KCNQ1: variants seen among roughly 807,000 people sequenced by gnomAD.
KCNQ1 encodes potassium voltage-gated channel subfamily KQT member 1.
A neutral mutation model predicts 72.4 loss-of-function variants in KCNQ1; 49 were observed. That is an observed-to-expected ratio of 0.68 (90% CI 0.54 to 0.86). The LOEUF (loss-of-function observed/expected upper bound fraction) is 0.86, where lower values mean the gene tolerates loss of function less well. Among genes scored for constraint, KCNQ1 ranks in the 40% least tolerant of loss-of-function variants. The pLI is 0.00. For synonymous variants in KCNQ1, 450 were observed against 412.6 expected (o/e 1.09, Z -1.10); for missense variants, 790 against 945.1 (o/e 0.84, Z 2.15).
rs949096114 is a variant in KCNQ1 at position 2,750,807 on chromosome 11, G to C, written c.1515-18037G>C. Among the ~76,000 whole-genome samples the C allele has an allele frequency of 2.0e-5, 3 of 152,138 alleles. No individual in the cohort carries two copies. The highest frequency in any genetic ancestry group is 4.4e-5 in the Non-Finnish European group (3 of 68,002). ...AACACTTTTCTTGTTTTCTTTCTCCGGCATGCTGGAAGCCGGCCAACTCGC... is the reference window on the plus strand; with the variant it reads ...AACACTTTTCTTGTTTTCTTTCTCCCGCATGCTGGAAGCCGGCCAACTCGC... On this transcript the variant is annotated intron_variant, in intron 11 of 15. Transcript: ENST00000155840. This position sits in a 1 kb window ranked among gnomAD's most constrained non-coding sequence, Gnocchi z 6.3.
At chr11:2,534,836 G>T (rs932398754) in intron 2 of KCNQ1, among the ~76,000 whole-genome samples, 1 of 152,366 alleles carries the variant, frequency 6.6e-6, no homozygotes, top group South Asian at 2.1e-4. Flanking sequence ...TCTTTATTAA[G>T]CACCTACTGT....
chr11:2,749,419 C>G (rs1399651920), intron 11 of KCNQ1, among the ~76,000 whole-genome samples: 1 of 152,100 alleles, frequency 6.6e-6, no homozygotes, highest in East Asian at 1.9e-4. Flanking sequence ...TGCCTGGTGC[C>G]AACTGTGTGA....
chr11:2,465,721 G>A (rs1846342538), intron 1 of KCNQ1, among the ~76,000 whole-genome samples: 1 of 152,218 alleles, frequency 6.6e-6, no homozygotes, highest in African/African-American at 2.4e-5. Flanking sequence ...CCTGGGAGAA[G>A]GTTTACGGAG....
At position 2,842,948 on chromosome 11, in the gene KCNQ1, G is replaced by T. The variant is rs372760045; in HGVS notation, c.1795-4819G>T. ...AGAGAAGCAAAGTGACTTGCCCAAG[G>T]TCACCCGGCCAGGAAGCGGCAGAGG... On this transcript the variant is annotated intron_variant, in intron 15 of 15. Coordinates refer to ENST00000155840, the MANE Select transcript of KCNQ1 (RefSeq NM_000218.3). Among the ~76,000 whole-genome samples, 11 of 152,320 alleles carry T rather than the reference G, an allele frequency of 7.2e-5. No homozygotes were observed. In the East Asian group the frequency reaches 9.6e-4, roughly 13 times the overall value.
At chr11:2,802,013 CT>C (rs149018588) in intron 15 of KCNQ1, among the ~76,000 whole-genome samples, 2,213 of 152,342 alleles carry the variant, frequency 0.015, 44 homozygotes, top group African/African-American at 0.047. Flanking sequence ...GTTGGGGGAG[CT>C]TTGTATTCTC....
In KCNQ1 at chr11:2,698,146, A is replaced by G. The variant is rs1850709310; in HGVS notation, c.1514+36065A>G. On this transcript the variant is annotated intron_variant, in intron 11 of 15. Coordinates refer to ENST00000155840, the MANE Select transcript of KCNQ1 (RefSeq NM_000218.3). This position sits in a 1 kb window ranked among gnomAD's most constrained non-coding sequence, Gnocchi z 5.1. ...TACAGAGCAGGCAGCAGAAAACAAAACAGAGTTCCTCGTTGGGAGCTTTTG... is the reference window on the plus strand; with the variant it reads ...TACAGAGCAGGCAGCAGAAAACAAAGCAGAGTTCCTCGTTGGGAGCTTTTG... 7.5e-6 allele frequency: 3 copies of G among 398,546 alleles called. No individual in the cohort carries two copies. Among genetic ancestry groups the G allele is most frequent in the Non-Finnish European group, 1.3e-5 (3 of 226,082 alleles). The allele number at this position is 398,546 out of a possible 1,614,324, so 24.7% of individuals were successfully genotyped here. A position where few individuals can be genotyped will look rare whatever the true frequency, so the allele number is the denominator to read the frequency against.
At chr11:2,763,762 A>G (rs776793929) in intron 11 of KCNQ1, among the ~76,000 whole-genome samples, 2 of 151,666 alleles carry the variant, frequency 1.3e-5, no homozygotes, top group African/African-American at 4.8e-5. Context: ...GGGTCTCACT[A>G]TGTTGCCCAG....
At position 2,658,390 on chromosome 11, in the gene KCNQ1, A is replaced by T. The variant is rs563376632; in HGVS notation, c.1394-3571A>T. 5 of 398,360 alleles carry T rather than the reference A, an allele frequency of 1.3e-5. No individual in the cohort carries two copies. Among genetic ancestry groups the T allele is most frequent in the African/African-American group, 4.1e-5 (2 of 48,562 alleles). The allele number at this position is 398,360 out of a possible 1,614,324, so 24.7% of individuals were successfully genotyped here. Reference sequence around the variant, plus strand: ...TATTTATTTTTTGAGTTATAGTCCAATATTATTTATTTTGTTGCTCAAATT... The same window carrying T: ...TATTTATTTTTTGAGTTATAGTCCATTATTATTTATTTTGTTGCTCAAATT... On this transcript the variant is annotated intron_variant, in intron 10 of 15. Transcript: ENST00000155840. The surrounding 1 kb of genome is among the most constrained non-coding windows in gnomAD (Gnocchi z 4.9).
intron 15 of KCNQ1, among the ~76,000 whole-genome samples, chr11:2,831,778 A>G (rs1223657760): frequency 7.0e-6 from 1 of 143,220 alleles, no homozygotes; most frequent in Non-Finnish European, 1.5e-5. Context: ...CCCCCACCAG[A>G]GCCCTGGAAG....
rs1480316221 is a variant in KCNQ1, at chr11:2,782,201, A to G, written c.1794+4164A>G. On this transcript the variant is annotated intron_variant, in intron 15 of 15. Coordinates refer to ENST00000155840, the MANE Select transcript of KCNQ1 (RefSeq NM_000218.3). This position sits in a 1 kb window ranked among gnomAD's most constrained non-coding sequence, Gnocchi z 6.1. ...CTGTTCATCCTCTCCCTTTAGCCCAACCCCTGCTGAGTTCAGGCCTTTATC... is the reference window on the plus strand; with the variant it reads ...CTGTTCATCCTCTCCCTTTAGCCCAGCCCCTGCTGAGTTCAGGCCTTTATC... Among the ~76,000 whole-genome samples the G allele has an allele frequency of 1.3e-5, 2 of 151,706 alleles. No homozygotes were observed. The highest frequency in any genetic ancestry group is 2.9e-5 in the Non-Finnish European group (2 of 67,926).
intron 1 of KCNQ1, among the ~76,000 whole-genome samples, chr11:2,503,405 T>A (rs1342165027): frequency 6.6e-6 from 1 of 152,056 alleles, no homozygotes; most frequent in Non-Finnish European, 1.5e-5. Context: ...TGGATGAAAC[T>A]GGAAACCATC....
intron 11 of KCNQ1, among the ~76,000 whole-genome samples, chr11:2,749,443 G>C (rs1382829415): frequency 6.6e-6 from 1 of 152,130 alleles, no homozygotes; most frequent in Non-Finnish European, 1.5e-5. Context: ...TGGGCACGCT[G>C]CTGAGCCTCT....
Position 2,817,960 on chromosome 11 carries a change from C to T in KCNQ1, c.1795-29807C>T, listed in dbSNP as rs1042425583. Among the ~76,000 whole-genome samples, 2 of 152,154 alleles carry T rather than the reference C, an allele frequency of 1.3e-5. No homozygotes were observed. Among genetic ancestry groups the T allele is most frequent in the African/African-American group, 4.8e-5 (2 of 41,422 alleles). Reference sequence around the variant, plus strand: ...GGCCTGCAGTGAAAAAAACTAACTTCGTATAACCCAACTATTCCCAAACTC... The same window carrying T: ...GGCCTGCAGTGAAAAAAACTAACTTTGTATAACCCAACTATTCCCAAACTC... On this transcript the variant is annotated intron_variant, in intron 15 of 15. Transcript: ENST00000155840. The surrounding 1 kb of genome is among the most constrained non-coding windows in gnomAD (Gnocchi z 6.1).
intron 15 of KCNQ1, among the ~76,000 whole-genome samples, chr11:2,841,113 AGGAACATGGGGAG>A (rs1848200743): frequency 6.6e-6 from 1 of 152,200 alleles, no homozygotes; most frequent in African/African-American, 2.4e-5. Context: ...GAAGGCTTAC[AGGAACATGGGGAG>A]AGATGAGACG....
At chr11:2,554,002 C>G (rs1848032058) in intron 2 of KCNQ1, among the ~76,000 whole-genome samples, 1 of 152,220 alleles carries the variant, frequency 6.6e-6, no homozygotes, top group Non-Finnish European at 1.5e-5. Flanking sequence ...CAAGCGTGAG[C>G]CACCATGCCC....
In KCNQ1 at chr11:2,527,977, G is replaced by C. The variant is rs199472688; in HGVS notation, c.436G>C (p.Glu146Gln). Residue 146 changes from glutamate to glutamine, a missense_variant, in exon 2 of 16, where the codon GAG (glutamate) becomes CAG (glutamine). By Grantham distance (29) the Glu-to-Gln change is conservative (BLOSUM62 2). Transcript: ENST00000155840. ...CATCTTCAGCGTGCTGTCCACCATC[G>C]AGCAGTATGCCGCCCTGGCCACGGG... ...CLIFSVLSTI[E>Q]QYAALATGTL... is the part of the protein sequence containing the mutation. 6.2e-7 allele frequency: 1 copy of C among 1,614,002 alleles called. No homozygotes were observed.
rs1848577607 is a variant in KCNQ1, at chr11:2,585,307, G to T, written c.1128G>T (p.Gln376His). Residue 376 changes from glutamine to histidine, a missense_variant and splice_region_variant, in exon 8 of 16, where the codon CAG (glutamine) becomes CAT (histidine). Around this residue, in one of 5 missense-constraint regions of KCNQ1, gnomAD observed 133 missense variants for 219.5 expected, o/e 0.61. Coordinates refer to ENST00000155840, the MANE Select transcript of KCNQ1 (RefSeq NM_000218.3). ...RQIPAAASLI[Q>H]TAWRCYAAEN... ...TCCCGGCGGCAGCCTCACTCATTCA[G>T]GTGCGGTGCCTGCAAGGCCCTGGTC... 6.2e-7 allele frequency: 1 copy of T among 1,613,444 alleles called. No individual in the cohort carries two copies. Among genetic ancestry groups the T allele is most frequent in the South Asian group, 1.1e-5 (1 of 91,080 alleles).
Position 2,588,781 on chromosome 11 carries a change from C to T in KCNQ1, c.1320C>T (p.Val440=), listed in dbSNP as rs781151116. 8 of 1,613,452 alleles carry T rather than the reference C, an allele frequency of 5.0e-6. No homozygotes were observed. The highest frequency in any genetic ancestry group is 1.7e-4 in the Middle Eastern group (1 of 5,960). ...GVTPGEKMLT[V]PHITCDPPEE... ...CTCCTGGAGAGAAGATGCTCACAGT[C>T]CCCCATATCACGTGCGACCCCCCAG... The change falls in exon 10 of 16, where the codon GTC becomes GTT. Residue 440 remains valine (V), a synonymous_variant. Coordinates refer to ENST00000155840, the MANE Select transcript of KCNQ1 (RefSeq NM_000218.3). This position sits in a 1 kb window ranked among gnomAD's most constrained non-coding sequence, Gnocchi z 5.6.
At position 2,461,474 on chromosome 11, in the gene KCNQ1, CTG is replaced by C. The variant is rs747956153; in HGVS notation, c.386+15993_386+15994del. 11 of 1,290,874 alleles carry C rather than the reference CTG, an allele frequency of 8.5e-6. No homozygotes were observed. The East Asian group carries it at 6.1e-4, about 71-fold the overall frequency. The allele number at this position is 1,290,874 out of a possible 1,614,324, so 80.0% of individuals were successfully genotyped here. A position where few individuals can be genotyped will look rare whatever the true frequency, so the allele number is the denominator to read the frequency against. The stretch of plus-strand genomic sequence containing the variant: ...CCCCTGCAGCTTCCATGGCCTGGGG[CTG>C]TGAGAGGCCCGGGAAGGCACTGTCT... On this transcript the variant is annotated intron_variant, in intron 1 of 15. Coordinates refer to ENST00000155840, the MANE Select transcript of KCNQ1 (RefSeq NM_000218.3).
Sources: allele counts gnomAD v4.1 joint callset (sites outside exome capture counted in the v4.1 genomes callset), GRCh38; gene constraint gnomAD v4.1.1; regional missense constraint gnomAD v4.1.1; non-coding constraint Gnocchi (gnomAD v3.1); transcripts MANE v1.5; gene names NCBI Gene and HGNC (gene_info 2026-07-23, HGNC 2026-07-21).